Variants in RHOD observed in about 807,000 individuals in gnomAD.
RHOD encodes ras homolog family member D.
In RHOD, 11 loss-of-function variants were observed where a neutral mutation model predicts 16.7. The observed-to-expected ratio is 0.66, with a 90% CI of 0.41 to 1.09. RHOD has a LOEUF of 1.09. Among genes scored for constraint, RHOD ranks in the 50% least tolerant of loss-of-function variants. RHOD has a pLI of 0.00. For missense variants in RHOD, 271 were observed against 291.7 expected (o/e 0.93, Z 0.52); for synonymous variants, 124 against 126.3 (o/e 0.98, Z 0.12).
chr11:67,068,012 G>T (rs1351657826), intron 3 of RHOD, among the ~76,000 whole-genome samples: 1 of 152,060 alleles, frequency 6.6e-6, no homozygotes, highest in East Asian at 1.9e-4. Context: ...TGTTAGCCAG[G>T]ATGGTCTTGA....
Position 67,071,422 on chromosome 11 carries a change from C to T in RHOD, c.466-13C>T, listed in dbSNP as rs751779980. ...GCCCCCTTCACCGCAGCCCCATCCA[C>T]CTCTCCCTCTAGGGCCAGGAGATGG... On this transcript the variant is annotated splice_polypyrimidine_tract_variant and intron_variant, in intron 4 of 4. Transcript: ENST00000308831. 1.3e-6 allele frequency: 2 copies of T among 1,575,546 alleles called. No homozygotes were observed. The highest frequency in any genetic ancestry group is 3.4e-5 in the Admixed American group (2 of 58,158).
intron 3 of RHOD, among the ~76,000 whole-genome samples, chr11:67,067,490 T>G (rs1854972292): frequency 6.6e-6 from 1 of 152,188 alleles, no homozygotes; most frequent in South Asian, 2.1e-4. Flanking sequence ...CCGGCCAACC[T>G]TATGGAGTAT....
Position 67,071,591 on chromosome 11 carries a change from G to A in RHOD, c.622G>A (p.Val208Met), listed in dbSNP as rs758228032. The change falls in exon 5 of 5, where the codon GTG becomes ATG. Residue 208 changes from valine to methionine, a missense_variant. Coordinates refer to ENST00000308831, the MANE Select transcript of RHOD (RefSeq NM_014578.4). ...FWRRITQGFC[V>M]VT Reference sequence around the variant, plus strand: ...GCGGCGGATTACCCAGGGCTTTTGCGTGGTGACCTGAGCGGCTCGGGGCGT... The same window carrying A: ...GCGGCGGATTACCCAGGGCTTTTGCATGGTGACCTGAGCGGCTCGGGGCGT... 1.5e-4 allele frequency: 242 copies of A among 1,605,956 alleles called. No homozygotes were observed. Among genetic ancestry groups the A allele is most frequent in the Non-Finnish European group, 2.0e-4 (235 of 1,175,972 alleles).
intron 3 of RHOD, 88 bp from the exon 4 acceptor site, chr11:67,070,337 C>G: frequency 7.1e-7 from 1 of 1,401,662 alleles, no homozygotes; most frequent in Non-Finnish European, 1.0e-6. Flanking sequence ...AGAGCTCAGG[C>G]TGGGGAGCAA....
At chr11:67,058,382 T>C (rs138283430) in intron 1 of RHOD, among the ~76,000 whole-genome samples, 139 of 152,346 alleles carry the variant, frequency 9.1e-4, no homozygotes, top group African/African-American at 3.0e-3. Context: ...TTCGCCATGT[T>C]GGCCAGAATG....
chr11:67,065,701 A>C (rs1225822289), intron 1 of RHOD, among the ~76,000 whole-genome samples, 195 bp from the exon 2 acceptor site: 1 of 152,138 alleles, frequency 6.6e-6, no homozygotes, highest in Non-Finnish European at 1.5e-5. Flanking sequence ...AACTGAGAAC[A>C]AAGCTGGGGA....
intron 1 of RHOD, among the ~76,000 whole-genome samples, chr11:67,062,002 C>T (rs1462701290): frequency 6.6e-6 from 1 of 151,844 alleles, no homozygotes; most frequent in East Asian, 1.9e-4. Flanking sequence ...AAAAATCTCC[C>T]TCACTATCAC....
At chr11:67,064,961 C>G (rs1854939636) in intron 1 of RHOD, among the ~76,000 whole-genome samples, 1 of 151,960 alleles carries the variant, frequency 6.6e-6, no homozygotes, top group South Asian at 2.1e-4. Flanking sequence ...ATCCAGAGGG[C>G]AATGATAAAA....
chr11:67,064,398 C>A (rs1430468782), intron 1 of RHOD, among the ~76,000 whole-genome samples: 1 of 148,458 alleles, frequency 6.7e-6, no homozygotes, highest in East Asian at 2.0e-4. Flanking sequence ...GAGTGAGACT[C>A]CCTCTCAAAA....
At chr11:67,058,208 G>T (rs1003982634) in intron 1 of RHOD, among the ~76,000 whole-genome samples, 1 of 151,708 alleles carries the variant, frequency 6.6e-6, no homozygotes, top group Non-Finnish European at 1.5e-5. Context: ...ACGGAGTCTC[G>T]CTCTGTCGCC....
chr11:67,057,613 T>C (rs1053150424), intron 1 of RHOD, among the ~76,000 whole-genome samples: 1 of 152,218 alleles, frequency 6.6e-6, no homozygotes, highest in South Asian at 2.1e-4. Flanking sequence ...GGAAAGCACA[T>C]GCCATGGGCT....
At chr11:67,060,822 G>A (rs912682262) in intron 1 of RHOD, among the ~76,000 whole-genome samples, 2 of 152,234 alleles carry the variant, frequency 1.3e-5, no homozygotes, top group South Asian at 4.1e-4. Flanking sequence ...ACTGAAACAT[G>A]TCTCCCAAGA....
intron 1 of RHOD, among the ~76,000 whole-genome samples, chr11:67,064,111 A>G (rs1854928061): frequency 6.9e-6 from 1 of 144,474 alleles, no homozygotes; most frequent in African/African-American, 2.6e-5. Flanking sequence ...GTCTCAAAAA[A>G]AAAAAAAAAA....
chr11:67,065,844 C>T, intron 1 of RHOD, 52 bp from the exon 2 acceptor site: 1 of 1,250,066 alleles, frequency 8.0e-7, no homozygotes, highest in Non-Finnish European at 1.2e-6. Flanking sequence ...ACCAAGTCCC[C>T]AGTGCCTCTC....
Position 67,057,047 on chromosome 11 carries a change from C to T in RHOD, c.132+13C>T. The T allele has an allele frequency of 7.0e-7, 1 of 1,438,292 alleles. No homozygotes were observed. The highest frequency in any genetic ancestry group is 2.2e-4 in the Middle Eastern group (1 of 4,622). 89.1% of individuals were successfully genotyped at this position (1,438,292 alleles called of 1,614,324 possible). ...GGCCTTCCCCGAGGTGAGTGCCCCG[C>T]GCCTCCGCCTCGCCCGGTTCCGCTC... On this transcript the variant is annotated intron_variant, in intron 1 of 4. Transcript: ENST00000308831.
intron 1 of RHOD, 68 bp from the exon 2 acceptor site, chr11:67,065,827 TG>T: frequency 9.7e-7 from 1 of 1,031,502 alleles, no homozygotes; most frequent in Non-Finnish European, 1.5e-6. Context: ...AGCAGCGCTG[TG>T]GACAGACCAA....
At chr11:67,064,368 G>A (rs569264598) in intron 1 of RHOD, among the ~76,000 whole-genome samples, 2 of 149,540 alleles carry the variant, frequency 1.3e-5, no homozygotes, top group South Asian at 4.3e-4. Context: ...TCACGCCATT[G>A]CACTGCAGCC....
intron 1 of RHOD, among the ~76,000 whole-genome samples, chr11:67,061,391 G>A (rs1181648662): frequency 3.9e-5 from 6 of 152,144 alleles, no homozygotes; most frequent in African/African-American, 1.2e-4. Flanking sequence ...CCAGCACTTC[G>A]GGAGGCCGAG....
chr11:67,065,850 C>A, intron 1 of RHOD, 46 bp from the exon 2 acceptor site: 1 of 1,358,986 alleles, frequency 7.4e-7, no homozygotes, highest in Non-Finnish European at 1.1e-6. Context: ...TCCCCAGTGC[C>A]TCTCCGAAGC....
Sources: gnomAD v4.1 joint callset for allele counts (sites outside exome capture counted in the v4.1 genomes callset) on GRCh38, gnomAD v4.1.1 for gene constraint, MANE v1.5 for transcripts, NCBI Gene and HGNC (gene_info 2026-07-23, HGNC 2026-07-21) for gene names.